Variants in PPP1R14C observed in about 807,000 individuals in gnomAD.
PPP1R14C encodes the protein protein phosphatase 1 regulatory subunit 14C.
In PPP1R14C, 16 loss-of-function variants were observed where a neutral mutation model predicts 20.4. That is an observed-to-expected ratio of 0.78 (90% CI 0.53 to 1.19). PPP1R14C has a LOEUF of 1.19. Ranked by LOEUF, PPP1R14C falls within the 50% of genes most tolerant of loss-of-function variation. PPP1R14C has a pLI of 0.00. For missense variants in PPP1R14C, 211 were observed against 220.1 expected, an observed-to-expected ratio of 0.96 and a Z score of 0.26; for synonymous variants, 91 against 91.0, an observed-to-expected ratio of 1.00 and a Z score of 0.00.
intron 3 of PPP1R14C, among the ~76,000 whole-genome samples, chr6:150,218,142 G>A (rs751091125): frequency 1.1e-4 from 16 of 152,126 alleles, no homozygotes; most frequent in Middle Eastern, 3.2e-3. Flanking sequence ...GGTGGCTCAT[G>A]CCTGTGATCA....
intron 1 of PPP1R14C, among the ~76,000 whole-genome samples, chr6:150,177,018 G>C (rs1156338220): frequency 6.6e-6 from 1 of 152,202 alleles, no homozygotes; most frequent in Non-Finnish European, 1.5e-5. Flanking sequence ...TCCACGTCCT[G>C]TTTGCTGCCT....
intron 1 of PPP1R14C, among the ~76,000 whole-genome samples, chr6:150,206,998 G>T (rs1777960411): frequency 6.6e-6 from 1 of 151,858 alleles, no homozygotes. Context: ...CTGAGTAGCT[G>T]GGATTACAGG....
rs1309178151 is a variant in PPP1R14C at position 150,143,225 on chromosome 6, C to T, written c.33C>T (p.Ala11=). 25 of 1,369,628 alleles carry T rather than the reference C, an allele frequency of 1.8e-5. No individual in the cohort carries two copies. The highest frequency in any genetic ancestry group is 1.9e-5 in the Non-Finnish European group (20 of 1,072,586). 84.8% of individuals were successfully genotyped at this position (1,369,628 alleles called of 1,614,324 possible). A position where few individuals can be genotyped will look rare whatever the true frequency, so the allele number is the denominator to read the frequency against. ...TGGCGACGGGCAGCAGCGAGACGGC[C>T]GGCGGGGCCAGCGGCGGCGGCGCAC... MSVATGSSET[A]GGASGGGARV... The change falls in exon 1 of 4, where the codon GCC becomes GCT. Residue 11 remains alanine (A), a synonymous_variant. Transcript: ENST00000361131. The surrounding 1 kb of genome is among the most constrained non-coding windows in gnomAD (Gnocchi z 5.6).
intron 1 of PPP1R14C, among the ~76,000 whole-genome samples, chr6:150,156,113 A>G: frequency 6.6e-6 from 1 of 150,622 alleles, no homozygotes; most frequent in East Asian, 2.0e-4. Context: ...CCAGTGAGTG[A>G]GCTACTTCTT....
chr6:150,183,561 G>T (rs1412587725), intron 1 of PPP1R14C, among the ~76,000 whole-genome samples: 2 of 152,068 alleles, frequency 1.3e-5, no homozygotes, highest in Non-Finnish European at 2.9e-5. Flanking sequence ...ACCCAGGCTG[G>T]AGTGCAAAGG....
chr6:150,155,047 G>T (rs1434366278), intron 1 of PPP1R14C, among the ~76,000 whole-genome samples: 2 of 152,140 alleles, frequency 1.3e-5, no homozygotes, highest in Non-Finnish European at 2.9e-5. Context: ...TTAACTAATG[G>T]TGGTATTTAT....
At chr6:150,230,230 C>T (rs1484747918) in intron 3 of PPP1R14C, among the ~76,000 whole-genome samples, 1 of 152,170 alleles carries the variant, frequency 6.6e-6, no homozygotes, top group African/African-American at 2.4e-5. Flanking sequence ...TCTTCCCTTC[C>T]CACCACCCGC....
chr6:150,185,453 G>C lies in PPP1R14C; in HGVS notation c.307-29291G>C, dbSNP rs145301846. Reference sequence around the variant, plus strand: ...GGGACCATCCTTGCATTAACCACAGGAATTTCCAGCAACAGTCCACTACCA... The same window carrying C: ...GGGACCATCCTTGCATTAACCACAGCAATTTCCAGCAACAGTCCACTACCA... On this transcript the variant is annotated intron_variant, in intron 1 of 3. Coordinates refer to ENST00000361131, the MANE Select transcript of PPP1R14C (RefSeq NM_030949.3). This position sits in a 1 kb window ranked among gnomAD's most constrained non-coding sequence, Gnocchi z 4.1. Among the ~76,000 whole-genome samples, 1 of 152,168 alleles carries C rather than the reference G, an allele frequency of 6.6e-6. No homozygotes were observed. Among genetic ancestry groups the C allele is most frequent in the Non-Finnish European group, 1.5e-5 (1 of 68,016 alleles).
chr6:150,247,889 A>G (rs564540509), intron 3 of PPP1R14C, among the ~76,000 whole-genome samples: 1 of 152,196 alleles, frequency 6.6e-6, no homozygotes, highest in Non-Finnish European at 1.5e-5. Context: ...TCCCTGTCTT[A>G]GTAGTCAATT....
chr6:150,188,921 T>C (rs907539472), intron 1 of PPP1R14C, among the ~76,000 whole-genome samples: 1 of 151,864 alleles, frequency 6.6e-6, no homozygotes, highest in African/African-American at 2.4e-5. Context: ...TGCAATGGCA[T>C]GATCTCGGCT....
At chr6:150,176,067 C>G (rs1582904546) in intron 1 of PPP1R14C, among the ~76,000 whole-genome samples, 2 of 152,190 alleles carry the variant, frequency 1.3e-5, no homozygotes, top group African/African-American at 2.4e-5. Context: ...GTGTTATTTT[C>G]CCTTTCTTGG....
chr6:150,210,014 T>C (rs1562270352), intron 1 of PPP1R14C, among the ~76,000 whole-genome samples: 1 of 152,084 alleles, frequency 6.6e-6, no homozygotes, highest in Non-Finnish European at 1.5e-5. Flanking sequence ...TTTGTGTATA[T>C]ATTTGTGTGT....
chr6:150,162,066 T>TC (rs1777375617), intron 1 of PPP1R14C, among the ~76,000 whole-genome samples: 1 of 151,620 alleles, frequency 6.6e-6, no homozygotes, highest in South Asian at 2.1e-4. Context: ...TTTTTCTTTT[T>TC]TTTTTTTGAG....
chr6:150,225,196 G>A (rs928154068), intron 3 of PPP1R14C, among the ~76,000 whole-genome samples: 3 of 152,082 alleles, frequency 2.0e-5, no homozygotes, highest in Admixed American at 1.3e-4. Flanking sequence ...AGAATGCTCC[G>A]GTGTATTTCA....
At chr6:150,160,565 G>A (rs552313807) in intron 1 of PPP1R14C, among the ~76,000 whole-genome samples, 6 of 151,810 alleles carry the variant, frequency 4.0e-5, no homozygotes, top group Non-Finnish European at 7.4e-5. Context: ...GAGCCACCGC[G>A]CCCAGTAGCT....
rs576425654 is a variant in PPP1R14C, at chr6:150,182,722, G to A, written c.307-32022G>A. 1.1e-3 allele frequency among the ~76,000 whole-genome samples: 160 copies of A among 152,330 alleles called. 1 individual carries two copies. Among genetic ancestry groups the A allele is most frequent in the South Asian group, 2.1e-3 (10 of 4,824 alleles). On this transcript the variant is annotated intron_variant, in intron 1 of 3. Transcript: ENST00000361131. ...ATGTGAGGTGCACAGTATAGTGGCT[G>A]TTACCAAGTAGGTACAATAGCCAGC...
In PPP1R14C at chr6:150,249,420, A is replaced by C; in HGVS notation, c.*600A>C. The C allele has an allele frequency of 2.5e-6, 1 of 398,734 alleles. No homozygotes were observed. The highest frequency in any genetic ancestry group is 3.6e-5 in the East Asian group (1 of 28,080). 24.7% of individuals were successfully genotyped at this position (398,734 alleles called of 1,614,324 possible). A position where few individuals can be genotyped will look rare whatever the true frequency, so the allele number is the denominator to read the frequency against. ...CTTCAACGTTCACTTTATGCACCAA[A>C]GTGAAAGAATTCAGTGTATCCGTTA... On this transcript the variant is annotated 3_prime_UTR_variant, in exon 4 of 4. Transcript: ENST00000361131.
Position 150,143,064 on chromosome 6 carries a change from C to A in PPP1R14C, c.-129C>A. 9.3e-7 allele frequency: 1 copy of A among 1,080,334 alleles called. No individual in the cohort carries two copies. The highest frequency in any genetic ancestry group is 1.1e-6 in the Non-Finnish European group (1 of 895,556). 66.9% of individuals were successfully genotyped at this position (1,080,334 alleles called of 1,614,324 possible). A position where few individuals can be genotyped will look rare whatever the true frequency, so the allele number is the denominator to read the frequency against. On this transcript the variant is annotated 5_prime_UTR_variant, in exon 1 of 4. Transcript: ENST00000361131. This position sits in a 1 kb window ranked among gnomAD's most constrained non-coding sequence, Gnocchi z 5.6. ...CTCCCAGAGCAGCCGGGCGGCTGGG[C>A]GCGCGCGGCGCAGAGCAGGTGCCGG... is the stretch of plus-strand genomic sequence containing the variant.
intron 1 of PPP1R14C, among the ~76,000 whole-genome samples, chr6:150,200,001 ACT>A (rs1777856914): frequency 6.6e-6 from 1 of 152,116 alleles, no homozygotes; most frequent in Non-Finnish European, 1.5e-5. Flanking sequence ...GAGGAAGGTA[ACT>A]CTGTGTCATT....
Sources: gnomAD v4.1 joint callset for allele counts (sites outside exome capture counted in the v4.1 genomes callset) on GRCh38, gnomAD v4.1.1 for gene constraint, Gnocchi (gnomAD v3.1) non-coding constraint, MANE v1.5 for transcripts, NCBI Gene and HGNC (gene_info 2026-07-23, HGNC 2026-07-21) for gene names.